Variants in YEATS2 observed in about 807,000 individuals in gnomAD.
YEATS2 encodes the protein YEATS domain-containing protein 2.
A neutral mutation model predicts 163.2 loss-of-function variants in YEATS2; 77 were observed. The observed-to-expected ratio is 0.47, with a 90% CI of 0.39 to 0.57. YEATS2 has a LOEUF of 0.57. Among genes scored for constraint, YEATS2 ranks in the 20% least tolerant of loss-of-function variants. The pLI is 0.00. For synonymous variants in YEATS2, 631 were observed against 645.1 expected (o/e 0.98, Z 0.33); for missense variants, 1,549 against 1,729.8 (o/e 0.90, Z 1.85).
chr3:183,711,569 G>A, intron 1 of YEATS2, among the ~76,000 whole-genome samples: 1 of 151,952 alleles, frequency 6.6e-6, no homozygotes, highest in East Asian at 1.9e-4. Context: ...AGCAGGTAAC[G>A]GATGAATATG....
chr3:183,698,346 T>G (rs958009403), intron 1 of YEATS2, among the ~76,000 whole-genome samples: 3 of 152,064 alleles, frequency 2.0e-5, no homozygotes, highest in Non-Finnish European at 2.9e-5. Flanking sequence ...CAGAAAGTCG[T>G]GGGTTTACCG....
chr3:183,806,948 G>A lies in YEATS2; in HGVS notation c.3867G>A (p.Glu1289=). Residue 1289 remains glutamate (E), a synonymous_variant, in exon 28 of 31, where the codon GAG becomes GAA. Transcript: ENST00000305135. ...AACAGTTCCAGAAAAGGGAACCCGA[G>A]AATGAGGAGGAGGTGGACATCCTCA... The part of the protein sequence containing the change: ...DLQQFQKREP[E]NEEEVDILSL... 1 of 1,614,152 alleles carries A rather than the reference G, an allele frequency of 6.2e-7. No homozygotes were observed. Among genetic ancestry groups the A allele is most frequent in the Non-Finnish European group, 8.5e-7 (1 of 1,180,040 alleles).
intron 16 of YEATS2, 122 bp from the exon 17 acceptor site, chr3:183,773,510 CA>C: frequency 3.0e-6 from 3 of 986,192 alleles, no homozygotes; most frequent in Non-Finnish European, 4.4e-6. Context: ...ATCTGGGAAA[CA>C]AACTTTGAAT....
Position 183,717,743 on chromosome 3 carries a change from G to T in YEATS2, c.193G>T (p.Asp65Tyr). 1.3e-6 allele frequency: 2 copies of T among 1,539,196 alleles called. No individual in the cohort carries two copies. Among genetic ancestry groups the T allele is most frequent in the South Asian group, 2.6e-5 (2 of 77,796 alleles). ...TAAGGAACATGAAATTGAAGTCATT[G>T]ACCAGGTATAATGATGATAAATTGA... is the stretch of plus-strand genomic sequence containing the variant. ...KNKEHEIEVI[D>Y]QRLIEARRMM... The change falls in exon 3 of 31, where the codon GAC becomes TAC. Residue 65 changes from aspartate (D) to tyrosine (Y), a missense_variant. Asp to Tyr is a radical substitution (Grantham distance 160). Transcript: ENST00000305135.
In YEATS2 at chr3:183,766,532, C is replaced by T. The variant is rs76227161; in HGVS notation, c.1947+4253C>T. Among the ~76,000 whole-genome samples the T allele has an allele frequency of 0.012, 1,873 of 152,216 alleles. 64 individuals are homozygous for T. In the East Asian group the frequency reaches 0.14, roughly 12 times the overall value. ...AGAAACATTTAATCAAAGCATGAAT[C>T]GAAGTTAAGTGTATAACAAATACAA... On this transcript the variant is annotated intron_variant, in intron 15 of 30. Transcript: ENST00000305135.
chr3:183,804,113 C>A lies in YEATS2; in HGVS notation c.3709C>A (p.Pro1237Thr), dbSNP rs1350734013. The change falls in exon 27 of 31, where the codon CCA (proline) becomes ACA (threonine). Residue 1237 changes from proline to threonine, a missense_variant. Pro to Thr is a conservative substitution (Grantham distance 38, BLOSUM62 -1). Coordinates refer to ENST00000305135, the MANE Select transcript of YEATS2 (RefSeq NM_018023.5). ...CTGGTGCCGCTGTCATGGCTACACC[C>A]CACCGGACCCTGAGAGCCTGAGGAA... ...AHWCRCHGYT[P>T]PDPESLRNDG... 1 of 1,614,160 alleles carries A rather than the reference C, an allele frequency of 6.2e-7. No individual in the cohort carries two copies. Among genetic ancestry groups the A allele is most frequent in the Admixed American group, 1.7e-5 (1 of 60,018 alleles).
intron 7 of YEATS2, among the ~76,000 whole-genome samples, chr3:183,734,773 G>A (rs926675539): frequency 2.0e-5 from 3 of 152,104 alleles, no homozygotes; most frequent in Admixed American, 6.5e-5. Flanking sequence ...TAAATTAGTC[G>A]AGCAGGGAGC....
Position 183,806,939 on chromosome 3 carries a change from G to A in YEATS2, c.3858G>A (p.Arg1286=), listed in dbSNP as rs1363725364. 18 of 1,613,988 alleles carry A rather than the reference G, an allele frequency of 1.1e-5. No homozygotes were observed. Among genetic ancestry groups the A allele is most frequent in the Non-Finnish European group, 1.4e-5 (17 of 1,180,028 alleles). ...AGGACCTGCAACAGTTCCAGAAAAG[G>A]GAACCCGAGAATGAGGAGGAGGTGG... The part of the protein sequence containing the change: ...KLEDLQQFQK[R]EPENEEEVDI... Residue 1286 remains arginine, a synonymous_variant, in exon 28 of 31, where the codon AGG becomes AGA. Coordinates refer to ENST00000305135, the MANE Select transcript of YEATS2 (RefSeq NM_018023.5).
At chr3:183,756,731 T>G in intron 12 of YEATS2, 42 bp downstream of exon 12, 1 of 1,337,370 alleles carries the variant, frequency 7.5e-7, no homozygotes, top group Non-Finnish European at 9.7e-7. Context: ...AAGGGTTTGA[T>G]CTTTATTAAA....
intron 7 of YEATS2, among the ~76,000 whole-genome samples, chr3:183,730,104 G>T (rs189492065): frequency 1.0e-5 from 1 of 99,140 alleles, no homozygotes; most frequent in South Asian, 3.6e-4. Context: ...ACATCCTGTC[G>T]TCCATGCTGG....
At chr3:183,807,208 C>A in intron 28 of YEATS2, 116 bp downstream of exon 28, 3 of 929,586 alleles carry the variant, frequency 3.2e-6, no homozygotes, top group Non-Finnish European at 4.9e-6. Context: ...CAGACTCAGA[C>A]CCAGACTCTT....
At chr3:183,744,655 C>T (rs970462509) in intron 8 of YEATS2, among the ~76,000 whole-genome samples, 1 of 152,104 alleles carries the variant, frequency 6.6e-6, no homozygotes, top group Non-Finnish European at 1.5e-5. Context: ...TGTGTATTGG[C>T]CTTGAGACCC....
intron 6 of YEATS2, among the ~76,000 whole-genome samples, chr3:183,726,665 C>T (rs1717129464): frequency 6.6e-6 from 1 of 152,074 alleles, no homozygotes; most frequent in African/African-American, 2.4e-5. Flanking sequence ...TGATCCCCTC[C>T]CTCATTAGGC....
rs751385892 is a variant in YEATS2 at position 183,803,973 on chromosome 3, ATTT to A, written c.3583-6_3583-4del. On this transcript the variant is annotated splice_polypyrimidine_tract_variant and intron_variant, in intron 26 of 30. Coordinates refer to ENST00000305135, the MANE Select transcript of YEATS2 (RefSeq NM_018023.5). ...GATTTGATTATGGTTCCAAAAGAAA[ATTT>A]TTTTTTTAAGTGGCAAAGAGCAATG... 5 of 1,549,840 alleles carry A rather than the reference ATTT, an allele frequency of 3.2e-6. No homozygotes were observed. The South Asian group carries it at 3.4e-5, about 11-fold the overall frequency.
intron 15 of YEATS2, among the ~76,000 whole-genome samples, chr3:183,770,995 T>G (rs1722400030): frequency 1.3e-5 from 2 of 152,226 alleles, no homozygotes; most frequent in African/African-American, 4.8e-5. Context: ...TGGGCATTGT[T>G]GTATATGTTC....
chr3:183,716,955 C>T (rs1055162623), intron 2 of YEATS2, among the ~76,000 whole-genome samples: 2 of 151,584 alleles, frequency 1.3e-5, no homozygotes, highest in African/African-American at 4.9e-5. Flanking sequence ...TGCGGTGGCA[C>T]GATCTCGGCT....
chr3:183,801,979 C>T (rs79593157), intron 25 of YEATS2: 1 of 157,326 alleles, frequency 6.4e-6, no homozygotes, highest in Non-Finnish European at 1.4e-5. Context: ...ATAACTTGCT[C>T]GAGATCACAG....
In YEATS2 at chr3:183,756,645, A is replaced by G. The variant is rs758734535; in HGVS notation, c.1508A>G (p.Asp503Gly). Residue 503 changes from aspartate to glycine, a missense_variant, in exon 12 of 31, where the codon GAC (aspartate) becomes GGC (glycine). Physicochemically the swap from Asp to Gly is moderately conservative, Grantham distance 94. Coordinates refer to ENST00000305135, the MANE Select transcript of YEATS2 (RefSeq NM_018023.5). ...SVINNPYVIMDKQPGQVIGAT... is the reference protein window; with the variant it reads ...SVINNPYVIMGKQPGQVIGAT... ...ATTAATAATCCTTATGTTATCATGG[A>G]CAAGCAGCCGGGGCAGGTGATTGGA... 1 of 1,597,016 alleles carries G rather than the reference A, an allele frequency of 6.3e-7. No homozygotes were observed. Among genetic ancestry groups the G allele is most frequent in the Non-Finnish European group, 8.5e-7 (1 of 1,172,184 alleles).
intron 20 of YEATS2, among the ~76,000 whole-genome samples, chr3:183,787,247 C>T (rs1192803185): frequency 2.6e-5 from 4 of 152,132 alleles, no homozygotes; most frequent in Non-Finnish European, 4.4e-5. Context: ...CCACTGCGCC[C>T]GGCCTGTGAT....
Sources: allele counts gnomAD v4.1 joint callset (sites outside exome capture counted in the v4.1 genomes callset), GRCh38; gene constraint gnomAD v4.1.1; transcripts MANE v1.5; gene names NCBI Gene and HGNC (gene_info 2026-07-23, HGNC 2026-07-21).